The following PPP2R2C variants were observed in gnomAD, a reference collection of about 807,000 sequenced individuals.
PPP2R2C encodes protein phosphatase 2 regulatory subunit Bgamma.
Under a neutral mutation model 45.3 loss-of-function variants are expected in PPP2R2C, and 10 were observed. That is an observed-to-expected ratio of 0.22 (90% CI 0.14 to 0.37). The LOEUF is 0.37. Ranked by LOEUF, PPP2R2C falls within the 10% of genes least tolerant of loss-of-function variation. The probability of loss-of-function intolerance (pLI) is 1.00; values close to 1 mark genes in which losing one functional copy is unlikely to be tolerated. For synonymous variants in PPP2R2C, 257 were observed against 245.4 expected, an observed-to-expected ratio of 1.05 and a Z score of -0.44; for missense variants, 308 against 619.7, an observed-to-expected ratio of 0.50 and a Z score of 5.34.
intron 1 of PPP2R2C, among the ~76,000 whole-genome samples, chr4:6,443,255 C>T (rs548535154): frequency 8.5e-4 from 129 of 152,320 alleles, no homozygotes; most frequent in Non-Finnish European, 1.0e-3. Context: ...TGCTCTGGCC[C>T]CATCAACCTT....
In PPP2R2C at chr4:6,383,362, T is replaced by A. The variant is rs78232329; in HGVS notation, c.71-2268A>T. 2,531 of 1,289,798 alleles carry A rather than the reference T, an allele frequency of 2.0e-3. 29 individuals carry two copies. In the East Asian group the frequency reaches 0.042, roughly 21 times the overall value. 79.9% of individuals were successfully genotyped at this position (1,289,798 alleles called of 1,614,324 possible). A position where few individuals can be genotyped will look rare whatever the true frequency, so the allele number is the denominator to read the frequency against. Reference sequence around the variant, plus strand: ...GATGATGAAAACATTTACTGTTGTATGCACGGGGTCTCGTGTTTTTAACTC... The same window carrying A: ...GATGATGAAAACATTTACTGTTGTAAGCACGGGGTCTCGTGTTTTTAACTC... On this transcript the variant is annotated intron_variant, in intron 1 of 8. Coordinates refer to ENST00000382599, the MANE Select transcript of PPP2R2C (RefSeq NM_020416.4).
At chr4:6,477,308 C>G (rs1260459689), upstream of PPP2R2C, among the ~76,000 whole-genome samples, 1 of 152,100 alleles carries the variant, frequency 6.6e-6, no homozygotes, top group African/African-American at 2.4e-5. Context: ...TAGTCATGGA[C>G]GTCAACCAGT....
At chr4:6,412,028 C>T (rs993455856) in intron 1 of PPP2R2C, among the ~76,000 whole-genome samples, 1 of 152,182 alleles carries the variant, frequency 6.6e-6, no homozygotes, top group Non-Finnish European at 1.5e-5. Flanking sequence ...TGAACATGAG[C>T]TCCTCAGAGC....
intron 1 of PPP2R2C, among the ~76,000 whole-genome samples, chr4:6,402,987 C>T (rs7661778): frequency 0.24 from 36,857 of 152,182 alleles, 5,417 homozygotes; most frequent in East Asian, 0.7. Flanking sequence ...AGGCTCTGCA[C>T]GTCTCCCGGC....
intron 1 of PPP2R2C, among the ~76,000 whole-genome samples, chr4:6,450,226 GT>G (rs578172965): frequency 6.2e-5 from 1 of 16,046 alleles, no homozygotes; most frequent in Non-Finnish European, 4.6e-4. Context: ...ATGGGGTGGA[GT>G]GGGGGGGTTC....
rs1732190605 is a variant in PPP2R2C, at chr4:6,329,128, C to A, written c.1052+134G>T. 2 of 759,230 alleles carry A rather than the reference C, an allele frequency of 2.6e-6. No individual in the cohort carries two copies. Among genetic ancestry groups the A allele is most frequent in the Non-Finnish European group, 4.4e-6 (2 of 450,940 alleles). The allele number at this position is 759,230 out of a possible 1,614,324, so 47.0% of individuals were successfully genotyped here. On this transcript the variant is annotated intron_variant, in intron 8 of 8. Transcript: ENST00000382599. This position sits in a 1 kb window ranked among gnomAD's most constrained non-coding sequence, Gnocchi z 5.8. ...TTGGACCTGCTCTGGAAAGCGTGGG[C>A]TTCACCCAGACACCTGGACCCATTG...
intron 2 of PPP2R2C, among the ~76,000 whole-genome samples, chr4:6,485,981 G>A (rs1209903663): frequency 1.3e-5 from 2 of 151,770 alleles, no homozygotes; most frequent in African/African-American, 4.8e-5. Flanking sequence ...GGAACTCAAG[G>A]CCATTGATTA....
intron 2 of PPP2R2C, among the ~76,000 whole-genome samples, chr4:6,486,058 G>T (rs1680551133): frequency 6.6e-6 from 1 of 151,882 alleles, no homozygotes; most frequent in African/African-American, 2.4e-5. Context: ...TGGTTTTAGC[G>T]ACATCTCATA....
rs1314969702 is a variant in PPP2R2C at position 6,381,959 on chromosome 4, G to A, written c.71-865C>T. On this transcript the variant is annotated intron_variant, in intron 1 of 8. Coordinates refer to ENST00000382599, the MANE Select transcript of PPP2R2C (RefSeq NM_020416.4). ...GTGGCCTGCACATTCTGGGTGGCCA[G>A]CCCTGGGAGTGGGGGAGAGCAGGGG... 4 of 1,473,076 alleles carry A rather than the reference G, an allele frequency of 2.7e-6. No homozygotes were observed. The African/African-American group carries it at 4.3e-5, about 16-fold the overall frequency. The allele number at this position is 1,473,076 out of a possible 1,614,324, so 91.3% of individuals were successfully genotyped here.
chr4:6,529,938 C>T (rs575888393), intron 2 of PPP2R2C, among the ~76,000 whole-genome samples: 8 of 152,234 alleles, frequency 5.3e-5, no homozygotes, highest in Non-Finnish European at 8.8e-5. Flanking sequence ...CTAGAGCGCA[C>T]GAGTGACGGA....
chr4:6,381,911 G>A lies in PPP2R2C; in HGVS notation c.71-817C>T. On this transcript the variant is annotated intron_variant, in intron 1 of 8. Coordinates refer to ENST00000382599, the MANE Select transcript of PPP2R2C (RefSeq NM_020416.4). ...ACCCCTTCCATCACCAACATTCTCAGGTTCTACGAGTCACAGAGATGAGTG... is the reference window on the plus strand; with the variant it reads ...ACCCCTTCCATCACCAACATTCTCAAGTTCTACGAGTCACAGAGATGAGTG... 3.2e-6 allele frequency: 5 copies of A among 1,584,110 alleles called. No individual in the cohort carries two copies. In the African/African-American group the frequency reaches 6.8e-5, roughly 21 times the overall value.
intron 1 of PPP2R2C, among the ~76,000 whole-genome samples, chr4:6,459,570 A>G (rs911754418): frequency 2.0e-5 from 3 of 152,216 alleles, no homozygotes; most frequent in African/African-American, 7.2e-5. Context: ...AGAACGGTGC[A>G]CAAAAAAACT....
chr4:6,351,719 C>A (rs538712064), intron 5 of PPP2R2C, among the ~76,000 whole-genome samples: 1 of 152,188 alleles, frequency 6.6e-6, no homozygotes, highest in African/African-American at 2.4e-5. Context: ...AGGGTCCCCA[C>A]GGTAAGATCT....
intron 1 of PPP2R2C, chr4:6,382,696 C>T (rs1394038359): frequency 8.4e-6 from 3 of 357,884 alleles, no homozygotes; most frequent in Non-Finnish European, 1.4e-5. Context: ...CACACACACA[C>T]ACACACACAC....
chr4:6,397,336 G>A (rs994390340), intron 1 of PPP2R2C, among the ~76,000 whole-genome samples: 7 of 152,218 alleles, frequency 4.6e-5, no homozygotes, highest in African/African-American at 1.7e-4. Flanking sequence ...CCCCAGGCCA[G>A]GGGGAGGCCT....
At position 6,378,339 on chromosome 4, in the gene PPP2R2C, A is replaced by G. The variant is rs985804280; in HGVS notation, c.334+68T>C. On this transcript the variant is annotated intron_variant, in intron 3 of 8. Transcript: ENST00000382599. The surrounding 1 kb of genome is among the most constrained non-coding windows in gnomAD (Gnocchi z 5.2). ...AAAATGCTCACAATATAAGTGAAATACAAACCAGCATTTGGTAGAAACATC... is the reference window on the plus strand; with the variant it reads ...AAAATGCTCACAATATAAGTGAAATGCAAACCAGCATTTGGTAGAAACATC... 4.4e-6 allele frequency: 7 copies of G among 1,605,882 alleles called. No homozygotes were observed. The highest frequency in any genetic ancestry group is 5.9e-6 in the Non-Finnish European group (7 of 1,177,398).
intron 6 of PPP2R2C, among the ~76,000 whole-genome samples, chr4:6,344,299 C>G (rs966787792): frequency 2.4e-4 from 37 of 152,182 alleles, no homozygotes; most frequent in African/African-American, 8.4e-4. Context: ...ATTGAGTCAT[C>G]GAAAACACTC....
chr4:6,517,505 C>T (rs1391249663), intron 2 of PPP2R2C, among the ~76,000 whole-genome samples: 1 of 152,210 alleles, frequency 6.6e-6, no homozygotes, highest in Non-Finnish European at 1.5e-5. Context: ...GTACTCCCTA[C>T]ACGTCAGGTG....
At chr4:6,409,220 T>A (rs1717996492) in intron 1 of PPP2R2C, among the ~76,000 whole-genome samples, 5 of 152,194 alleles carry the variant, frequency 3.3e-5, no homozygotes, top group Admixed American at 3.3e-4. Context: ...AAGGCATCAT[T>A]TTATAATGAA....
Sources: gnomAD v4.1 joint callset for allele counts (sites outside exome capture counted in the v4.1 genomes callset) on GRCh38, gnomAD v4.1.1 for gene constraint, Gnocchi (gnomAD v3.1) non-coding constraint, MANE v1.5 for transcripts, NCBI Gene and HGNC (gene_info 2026-07-23, HGNC 2026-07-21) for gene names.